CYP4Z1: variants seen among roughly 807,000 people sequenced by gnomAD.
CYP4Z1 encodes the protein cytochrome P450 family 4 subfamily Z member 1.
In CYP4Z1, 41 loss-of-function variants were observed where a neutral mutation model predicts 54.2. That is an observed-to-expected ratio of 0.76 (90% CI 0.59 to 0.98). The LOEUF (loss-of-function observed/expected upper bound fraction) is 0.98, where lower values mean the gene tolerates loss of function less well. Among genes scored for constraint, CYP4Z1 ranks in the 50% least tolerant of loss-of-function variants. The pLI is 0.00. For missense variants in CYP4Z1, 513 were observed against 599.0 expected, an observed-to-expected ratio of 0.86 and a Z score of 1.50; for synonymous variants, 163 against 206.2, an observed-to-expected ratio of 0.79 and a Z score of 1.79.
chr1:47,079,988 A>G (rs1644551802), intron 2 of CYP4Z1, among the ~76,000 whole-genome samples: 1 of 152,016 alleles, frequency 6.6e-6, no homozygotes, highest in African/African-American at 2.4e-5. Context: ...CTTTTGCAGA[A>G]AGTGAATCTC....
the CYP4Z1 span, among the ~76,000 whole-genome samples, chr1:47,056,980 T>G: frequency 6.6e-6 from 1 of 152,110 alleles, no homozygotes. Context: ...AGCTGATTAT[T>G]TTGCTCATTA....
chr1:47,059,083 T>C, the CYP4Z1 span, among the ~76,000 whole-genome samples: 1 of 152,134 alleles, frequency 6.6e-6, no homozygotes, highest in South Asian at 2.1e-4. Flanking sequence ...TAATCTAAAC[T>C]TTAAATAGAA....
At chr1:47,116,462 A>G (rs952313606) in intron 10 of CYP4Z1, among the ~76,000 whole-genome samples, 188 bp from the exon 11 acceptor site, 1 of 152,014 alleles carries the variant, frequency 6.6e-6, no homozygotes, top group Non-Finnish European at 1.5e-5. Context: ...CTTTCTTGGG[A>G]TATATTTTCA....
the CYP4Z1 span, among the ~76,000 whole-genome samples, chr1:47,056,822 C>T: frequency 8.5e-5 from 13 of 152,094 alleles, no homozygotes; most frequent in Non-Finnish European, 1.8e-4. Flanking sequence ...TGTCTCTGCA[C>T]ATGAGATGGG....
intron 9 of CYP4Z1, among the ~76,000 whole-genome samples, chr1:47,108,648 C>G (rs1481373608): frequency 6.6e-6 from 1 of 152,138 alleles, no homozygotes; most frequent in Non-Finnish European, 1.5e-5. Context: ...ATTATGTGTG[C>G]CCTTCTCTTC....
chr1:47,088,512 G>A (rs1644614342), intron 6 of CYP4Z1, among the ~76,000 whole-genome samples: 1 of 151,956 alleles, frequency 6.6e-6, no homozygotes. Context: ...TCTGATAGTA[G>A]TTTGTATTTC....
chr1:47,105,322 T>C (rs1397124045), intron 8 of CYP4Z1, among the ~76,000 whole-genome samples: 1 of 152,138 alleles, frequency 6.6e-6, no homozygotes, highest in Non-Finnish European at 1.5e-5. Flanking sequence ...GATGCCACAC[T>C]GCAGCTGCTG....
chr1:47,068,879 T>G (rs546461663), intron 2 of CYP4Z1, 116 bp downstream of exon 2: 29 of 1,358,052 alleles, frequency 2.1e-5, no homozygotes, highest in Middle Eastern at 2.6e-4. Flanking sequence ...TCATTTGATA[T>G]GTTGAAGGGA....
At chr1:47,102,950 A>G (rs1644730828) in intron 8 of CYP4Z1, among the ~76,000 whole-genome samples, 1 of 152,004 alleles carries the variant, frequency 6.6e-6, no homozygotes, top group African/African-American at 2.4e-5. Context: ...ACCTTCTGGG[A>G]CACCAAAAAT....
the CYP4Z1 span, among the ~76,000 whole-genome samples, chr1:47,060,211 T>C: frequency 6.6e-6 from 1 of 151,934 alleles, no homozygotes; most frequent in African/African-American, 2.4e-5. Flanking sequence ...TTTTAAAAAA[T>C]TAATAGATTA....
chr1:47,065,529 A>C (rs565942244), upstream of CYP4Z1, among the ~76,000 whole-genome samples: 124 of 152,258 alleles, frequency 8.1e-4, no homozygotes, highest in Non-Finnish European at 1.5e-3. Flanking sequence ...GATACAGCAA[A>C]AGCAGTGCTA....
chr1:47,116,852 G>A (rs1479106039), intron 11 of CYP4Z1, 120 bp downstream of exon 11: 16 of 714,264 alleles, frequency 2.2e-5, no homozygotes, highest in South Asian at 1.2e-4. Flanking sequence ...ATTTTACCTG[G>A]CTTGTCTTCT....
intron 9 of CYP4Z1, among the ~76,000 whole-genome samples, chr1:47,113,645 C>A (rs1375514160): frequency 2.6e-5 from 4 of 152,144 alleles, no homozygotes; most frequent in Non-Finnish European, 4.4e-5. Context: ...TTCTTATACA[C>A]CAATAACAGG....
intron 6 of CYP4Z1, among the ~76,000 whole-genome samples, chr1:47,089,348 TATGTGCAGG>T (rs1469465429): frequency 6.6e-6 from 1 of 151,902 alleles, no homozygotes; most frequent in Non-Finnish European, 1.5e-5. Flanking sequence ...TTCCGAGGTA[TATGTGCAGG>T]ATGTGCAGGA....
chr1:47,069,438 G>A (rs1337576362), intron 2 of CYP4Z1, among the ~76,000 whole-genome samples: 1 of 120,880 alleles, frequency 8.3e-6, no homozygotes, highest in Admixed American at 8.1e-5. Flanking sequence ...AAAATTTCAA[G>A]CAGCCTGTGG....
At chr1:47,056,522 T>A in the CYP4Z1 span, among the ~76,000 whole-genome samples, 73 of 152,340 alleles carry the variant, frequency 4.8e-4, no homozygotes, top group African/African-American at 1.8e-3. Context: ...CAGTGGGGTG[T>A]TAAATTCTCC....
chr1:47,068,671 AC>A lies in CYP4Z1; in HGVS notation c.230del (p.Pro77HisfsTer27). On this transcript the variant is annotated frameshift_variant, in exon 2 of 12. Transcript: ENST00000334194. LOFTEE classifies it high-confidence loss of function. ...GTGTATCATAAGCTGATGGAAAAAT[AC>A]CCATGTGCTGTTCCCTTGTGGGTTG... ...FEVYHKLMEK[Y>X]PCAVPLWVGP... 1 of 1,614,122 alleles carries A rather than the reference AC, an allele frequency of 6.2e-7. No homozygotes were observed. The highest frequency in any genetic ancestry group is 8.5e-7 in the Non-Finnish European group (1 of 1,180,004).
chr1:47,067,307 C>T lies in CYP4Z1; in HGVS notation c.-184C>T, dbSNP rs547197836. On this transcript the variant is annotated 5_prime_UTR_variant, in exon 1 of 12. Coordinates refer to ENST00000334194, the MANE Select transcript of CYP4Z1 (RefSeq NM_178134.3). ...TCTAGAATCCAGGTCTGCTGGCCAA[C>T]ATCTCAGCAGTTTTCACCCTGCAGA... Among the ~76,000 whole-genome samples the T allele has an allele frequency of 6.6e-6, 1 of 152,298 alleles. No homozygotes were observed. The highest frequency in any genetic ancestry group is 2.4e-5 in the African/African-American group (1 of 41,558).
At chr1:47,103,575 C>CA (rs1179147624) in intron 8 of CYP4Z1, among the ~76,000 whole-genome samples, 2 of 128,596 alleles carry the variant, frequency 1.6e-5, no homozygotes, top group Non-Finnish European at 3.3e-5. Flanking sequence ...TCACCTTCTT[C>CA]TTTTTTTTTT....
Sources: gnomAD v4.1 joint callset for allele counts (sites outside exome capture counted in the v4.1 genomes callset) on GRCh38, gnomAD v4.1.1 for gene constraint, MANE v1.5 for transcripts, NCBI Gene and HGNC (gene_info 2026-07-23, HGNC 2026-07-21) for gene names.